GALM: variants seen among roughly 807,000 people sequenced by gnomAD.
GALM encodes aldose 1-epimerase.
Under a neutral mutation model 37.4 loss-of-function variants are expected in GALM, and 43 were observed. The ratio of observed to expected loss-of-function variants is 1.15; its 90% CI spans 0.90 to 1.48. The LOEUF is 1.48. GALM is among the 40% of genes most tolerant of loss of function. The probability of loss-of-function intolerance (pLI) is 0.00; values close to 1 mark genes in which losing one functional copy is unlikely to be tolerated. For synonymous variants in GALM, 199 were observed against 170.6 expected, an observed-to-expected ratio of 1.17 and a Z score of -1.30; for missense variants, 456 against 419.1, an observed-to-expected ratio of 1.09 and a Z score of -0.77.
At chr2:38,688,207 G>A (rs192506649) in intron 3 of GALM, among the ~76,000 whole-genome samples, 5 of 141,318 alleles carry the variant, frequency 3.5e-5, no homozygotes, top group South Asian at 2.2e-4. Context: ...GTGAGACTCC[G>A]TCTCAAAAAA....
intron 4 of GALM, among the ~76,000 whole-genome samples, chr2:38,708,909 G>A (rs1372611876): frequency 6.6e-6 from 1 of 152,100 alleles, no homozygotes; most frequent in African/African-American, 2.4e-5. Flanking sequence ...GGAATCCAGG[G>A]AAGGCTTGAG....
intron 2 of GALM, among the ~76,000 whole-genome samples, chr2:38,680,382 A>G (rs937963510): frequency 2.6e-5 from 4 of 152,158 alleles, no homozygotes; most frequent in Non-Finnish European, 5.9e-5. Context: ...TCTTAGAATC[A>G]TATTTTCTGG....
chr2:38,708,000 G>A (rs897203683), intron 4 of GALM, among the ~76,000 whole-genome samples: 19 of 152,006 alleles, frequency 1.2e-4, no homozygotes, highest in African/African-American at 4.3e-4. Context: ...CAAGCTGCTC[G>A]GTAGGCTAAG....
rs1558577534 is a variant in GALM at position 38,675,527 on chromosome 2, TTTTTTTTTTTTTTTTTTGTGTGTGTG to T, written c.191-383_191-358del. Among the ~76,000 whole-genome samples, 252 of 58,252 alleles carry T rather than the reference TTTTTTTTTTTTTTTTTTGTGTGTGTG, an allele frequency of 4.3e-3. 4 individuals are homozygous for T. The highest frequency in any genetic ancestry group is 0.018 in the African/African-American group (196 of 10,848). 38.2% of individuals were successfully genotyped at this position (58,252 alleles called of 152,430 possible). On this transcript the variant is annotated intron_variant, in intron 1 of 6. Coordinates refer to ENST00000272252, the MANE Select transcript of GALM (RefSeq NM_138801.3). ...CACCTTTGGATTGAGGGTTTTTTTG[TTTTTTTTTTTTTTTTTTGTGTGTGTG>T]TGTGTGTGTGTGTGTGTGTGTGTGT...
chr2:38,693,202 G>C (rs891768072), intron 4 of GALM, among the ~76,000 whole-genome samples: 2 of 152,212 alleles, frequency 1.3e-5, no homozygotes, highest in African/African-American at 4.8e-5. Context: ...GTTAGACCAG[G>C]TCGGGTGCAG....
At chr2:38,678,144 G>A (rs971191937) in intron 2 of GALM, among the ~76,000 whole-genome samples, 11 of 151,494 alleles carry the variant, frequency 7.3e-5, no homozygotes, top group Non-Finnish European at 1.2e-4. Flanking sequence ...AGCCTCCCAA[G>A]TAGCTGGGAT....
At position 38,722,925 on chromosome 2, in the gene GALM, G is replaced by A. The variant is rs116512126; in HGVS notation, c.635-6631G>A. Among the ~76,000 whole-genome samples, 485 of 152,206 alleles carry A rather than the reference G, an allele frequency of 3.2e-3. 4 individuals carry two copies. Among genetic ancestry groups the A allele is most frequent in the African/African-American group, 0.011 (468 of 41,524 alleles). ...CCTCGGGCAAGTCCCTTCAGTTGCC[G>A]GGGGCTCAAACTCACCATCTGCAAA... On this transcript the variant is annotated intron_variant, in intron 4 of 6. Transcript: ENST00000272252.
intron 4 of GALM, among the ~76,000 whole-genome samples, chr2:38,695,143 C>A (rs1665776725): frequency 6.6e-6 from 1 of 151,856 alleles, no homozygotes; most frequent in Non-Finnish European, 1.5e-5. Context: ...TACAAACAGG[C>A]CGGGTGCAGT....
At chr2:38,733,412 G>C (rs1451672299) in intron 6 of GALM, 76 bp from the exon 7 acceptor site, 1 of 1,230,772 alleles carries the variant, frequency 8.1e-7, no homozygotes, top group East Asian at 2.3e-5. Context: ...CTAGAAGCCC[G>C]TCCAGAAGCA....
rs115055644 is a variant in GALM, at chr2:38,686,709, T to C, written c.553-3104T>C. On this transcript the variant is annotated intron_variant, in intron 3 of 6. Transcript: ENST00000272252. ...CTCAACAATACAAAGGAATATAACA[T>C]GGATGATCCCAGTAGCATTATGTTG... is the stretch of plus-strand genomic sequence containing the variant. Among the ~76,000 whole-genome samples the C allele has an allele frequency of 6.0e-3, 908 of 152,274 alleles. 9 individuals carry two copies. Among genetic ancestry groups the C allele is most frequent in the African/African-American group, 0.021 (862 of 41,546 alleles).
intron 1 of GALM, among the ~76,000 whole-genome samples, chr2:38,675,526 GTTTTTTTTTT>G (rs869119386): frequency 1.3e-5 from 1 of 74,620 alleles, no homozygotes; most frequent in African/African-American, 5.6e-5. Flanking sequence ...GGGTTTTTTT[GTTTTTTTTTT>G]TTTTTTTTGT....
intron 4 of GALM, among the ~76,000 whole-genome samples, chr2:38,704,887 T>A (rs1028921221): frequency 6.6e-6 from 1 of 152,098 alleles, no homozygotes; most frequent in Admixed American, 6.6e-5. Context: ...CATTACTGAA[T>A]CCTTCCTGTA....
intron 1 of GALM, among the ~76,000 whole-genome samples, chr2:38,670,016 C>T (rs1032782603): frequency 2.0e-5 from 3 of 151,772 alleles, no homozygotes; most frequent in East Asian, 3.9e-4. Flanking sequence ...GTGGGCACCA[C>T]CACACCCGGC....
At chr2:38,732,038 G>A in intron 6 of GALM, 129 bp downstream of exon 6, 1 of 843,840 alleles carries the variant, frequency 1.2e-6, no homozygotes, top group Non-Finnish European at 1.8e-6. Context: ...TTTGTTTTTT[G>A]AGACAGAGTC....
At chr2:38,672,903 G>A (rs143132595) in intron 1 of GALM, among the ~76,000 whole-genome samples, 139 of 152,106 alleles carry the variant, frequency 9.1e-4, no homozygotes, top group Non-Finnish European at 1.7e-3. Context: ...CCAGCTACTT[G>A]GAAGGCTGAG....
At chr2:38,673,134 A>C (rs1047358036) in intron 1 of GALM, among the ~76,000 whole-genome samples, 2 of 152,222 alleles carry the variant, frequency 1.3e-5, no homozygotes, top group Admixed American at 1.3e-4. Flanking sequence ...TTAATGTTTA[A>C]TTTGTACCCA....
chr2:38,711,372 G>A (rs183595810), intron 4 of GALM, among the ~76,000 whole-genome samples: 21 of 151,912 alleles, frequency 1.4e-4, no homozygotes, highest in Non-Finnish European at 2.2e-4. Flanking sequence ...CGTTGGTCAC[G>A]CTGGTCTCGA....
At chr2:38,681,902 C>G (rs1665407138) in intron 3 of GALM, among the ~76,000 whole-genome samples, 1 of 152,248 alleles carries the variant, frequency 6.6e-6, no homozygotes, top group African/African-American at 2.4e-5. Flanking sequence ...TATGTGTGTG[C>G]TTCCCCTGTG....
intron 4 of GALM, among the ~76,000 whole-genome samples, chr2:38,702,993 G>A (rs922753610): frequency 6.6e-5 from 8 of 120,492 alleles, no homozygotes; most frequent in Admixed American, 2.8e-4. Flanking sequence ...ATGGTGGGGT[G>A]TGCCTGTGAT....
Sources: allele counts gnomAD v4.1 joint callset (sites outside exome capture counted in the v4.1 genomes callset), GRCh38; gene constraint gnomAD v4.1.1; transcripts MANE v1.5; gene names NCBI Gene and HGNC (gene_info 2026-07-23, HGNC 2026-07-21).